The following MTMR8 variants were observed in gnomAD, a reference collection of about 807,000 sequenced individuals.
The protein encoded by MTMR8 is phosphatidylinositol-3,5-bisphosphate 3-phosphatase MTMR8.
In MTMR8, 65 loss-of-function variants were observed where a neutral mutation model predicts 39.3. The ratio of observed to expected loss-of-function variants is 1.65; its 90% confidence interval spans 1.35 to 2.03. The LOEUF (loss-of-function observed/expected upper bound fraction) is 2.03, where lower values mean the gene tolerates loss of function less well. MTMR8 is among the 30% of genes most tolerant of loss of function. The pLI is 0.00. For synonymous variants in MTMR8, 245 were observed against 185.2 expected (o/e 1.32, Z -2.62); for missense variants, 777 against 538.9 (o/e 1.44, Z -4.37).
chrX:64,319,811 G>C (rs1192069142), intron 12 of MTMR8, among the ~76,000 whole-genome samples: 1 of 111,262 alleles, frequency 9.0e-6, no homozygotes, highest in Non-Finnish European at 1.9e-5. Flanking sequence ...CTGTAGCCTT[G>C]TAATATAGTT....
chrX:64,375,211 G>T (rs1410526203), intron 1 of MTMR8, among the ~76,000 whole-genome samples: 1 of 110,087 alleles, frequency 9.1e-6, no homozygotes, highest in Non-Finnish European at 1.9e-5. Context: ...ACTTAGCCAG[G>T]CATGCTGGTG....
rs1356272364 is a variant in MTMR8, at chrX:64,337,272, A to C, written c.1097T>G (p.Leu366Arg). ...TATAGTAGCGTGCTCTCTTACCATG[A>C]GTCCTTTGAATGTCCTATAAAATGG... is the stretch of plus-strand genomic sequence containing the variant. The part of the protein sequence containing the change: ...LDPFYRTFKG[L>R]MILIEKEWIS... Residue 366 changes from leucine to arginine, a missense_variant, in exon 9 of 14, where the codon CTC (leucine) becomes CGC (arginine). Leu to Arg is a moderately radical substitution (Grantham distance 102). Transcript: ENST00000374852. The C allele has an allele frequency of 3.3e-6, 4 of 1,209,415 alleles. No homozygotes were observed. Among genetic ancestry groups the C allele is most frequent in the Admixed American group, 2.2e-5 (1 of 45,755 alleles).
At chrX:64,342,660 A>G (rs1923250289) in intron 8 of MTMR8, among the ~76,000 whole-genome samples, 1 of 112,333 alleles carries the variant, frequency 8.9e-6, no homozygotes, top group African/African-American at 3.2e-5. Context: ...GTGAACATCA[A>G]TAACAATGAA....
At chrX:64,371,576 C>A (rs188549304) in intron 1 of MTMR8, among the ~76,000 whole-genome samples, 2 of 110,889 alleles carry the variant, frequency 1.8e-5, no homozygotes, top group East Asian at 5.7e-4. Flanking sequence ...TATCTTTATA[C>A]ATAGCTGATT....
At chrX:64,359,922 G>GAAAAAAAAAA (rs202232811) in intron 1 of MTMR8, among the ~76,000 whole-genome samples, 1 of 43,030 alleles carries the variant, frequency 2.3e-5, no homozygotes, top group Admixed American at 2.9e-4. Flanking sequence ...GGCAAGAATA[G>GAAAAAAAAAA]AAAAAAAAAA....
rs970377802 is a variant in MTMR8, at chrX:64,283,711, C to G, written c.1482-12638G>C. Among the ~76,000 whole-genome samples, 5 of 112,513 alleles carry G rather than the reference C, an allele frequency of 4.4e-5. No individual in the cohort carries two copies. In the Admixed American group the frequency reaches 4.7e-4, roughly 11 times the overall value. ...CCTCTGCTGCTGATACCCAGGCAAACAGGGTCTGGAGTGGACCTCCAGCAA... is the reference window on the plus strand; with the variant it reads ...CCTCTGCTGCTGATACCCAGGCAAAGAGGGTCTGGAGTGGACCTCCAGCAA... On this transcript the variant is annotated intron_variant, in intron 12 of 13. Coordinates refer to ENST00000374852, the MANE Select transcript of MTMR8 (RefSeq NM_017677.4).
chrX:64,357,041 G>C (rs1442846694), intron 2 of MTMR8, among the ~76,000 whole-genome samples: 1 of 112,184 alleles, frequency 8.9e-6, no homozygotes, highest in East Asian at 2.8e-4. Context: ...GATTACTTCT[G>C]TTCATGCTGA....
chrX:64,301,355 C>T (rs1328095437), intron 12 of MTMR8, among the ~76,000 whole-genome samples: 2 of 106,281 alleles, frequency 1.9e-5, no homozygotes, highest in South Asian at 8.8e-4. Context: ...ACCCTTTCTT[C>T]CAGTTGATCG....
intron 10 of MTMR8, among the ~76,000 whole-genome samples, chrX:64,334,943 T>C (rs932626365): frequency 1.8e-5 from 2 of 111,873 alleles, no homozygotes; most frequent in South Asian, 3.7e-4. Context: ...AAAGATGAGA[T>C]AGGAACTATA....
chrX:64,360,617 A>T (rs1272296276), intron 1 of MTMR8, among the ~76,000 whole-genome samples: 3 of 111,532 alleles, frequency 2.7e-5, no homozygotes, highest in African/African-American at 9.7e-5. Context: ...ACAATGCAAT[A>T]GCACTAGAAA....
At chrX:64,301,176 C>T (rs780065432) in intron 12 of MTMR8, among the ~76,000 whole-genome samples, 2 of 110,118 alleles carry the variant, frequency 1.8e-5, no homozygotes, top group East Asian at 5.7e-4. Flanking sequence ...GAGTGTTTGC[C>T]AACTTGGTTC....
At chrX:64,326,216 T>C (rs1922788292) in intron 12 of MTMR8, among the ~76,000 whole-genome samples, 1 of 111,186 alleles carries the variant, frequency 9.0e-6, no homozygotes, top group Non-Finnish European at 1.9e-5. Flanking sequence ...TCTTGCTGAC[T>C]CAGTGGTTGC....
intron 12 of MTMR8, among the ~76,000 whole-genome samples, chrX:64,296,276 C>A (rs1158319215): frequency 9.0e-6 from 1 of 110,876 alleles, no homozygotes; most frequent in Non-Finnish European, 1.9e-5. Flanking sequence ...TTCATAAAGA[C>A]CAGAAAGTAG....
At chrX:64,301,195 T>C (rs1297203394) in intron 12 of MTMR8, among the ~76,000 whole-genome samples, 1 of 110,023 alleles carries the variant, frequency 9.1e-6, no homozygotes, top group South Asian at 4.0e-4. Context: ...TCCATTCTCC[T>C]CATCACTTTC....
intron 5 of MTMR8, 119 bp from the exon 6 acceptor site, chrX:64,348,913 CA>C: frequency 1.3e-6 from 1 of 771,766 alleles, no homozygotes; most frequent in Non-Finnish European, 1.9e-6. Context: ...AGATAGTGTC[CA>C]AAGCAAAGAG....
intron 12 of MTMR8, among the ~76,000 whole-genome samples, chrX:64,280,114 G>A (rs1241893748): frequency 8.9e-6 from 1 of 111,968 alleles, no homozygotes; most frequent in Non-Finnish European, 1.9e-5. Context: ...AATTCTGCTA[G>A]AGGTACAAAG....
chrX:64,309,989 C>T (rs1922246149), intron 12 of MTMR8, among the ~76,000 whole-genome samples: 1 of 111,272 alleles, frequency 9.0e-6, no homozygotes, highest in African/African-American at 3.3e-5. Context: ...GTTGGAGTGG[C>T]TGTGGTAATG....
chrX:64,358,942 C>A (rs368551770), intron 2 of MTMR8, among the ~76,000 whole-genome samples: 34 of 109,564 alleles, frequency 3.1e-4, no homozygotes, highest in Non-Finnish European at 5.1e-4. Context: ...TAGTGTTGCC[C>A]AAGGTAAAGT....
chrX:64,362,746 G>GA (rs1296803381), intron 1 of MTMR8, among the ~76,000 whole-genome samples: 2 of 110,321 alleles, frequency 1.8e-5, no homozygotes, highest in African/African-American at 6.6e-5. Flanking sequence ...TAAAGTTACT[G>GA]AAAAAATGCA....
Sources: gnomAD v4.1 joint callset for allele counts (sites outside exome capture counted in the v4.1 genomes callset) on GRCh38, gnomAD v4.1.1 for gene constraint, MANE v1.5 for transcripts, NCBI Gene and HGNC (gene_info 2026-07-23, HGNC 2026-07-21) for gene names.